CUBN: variants seen among roughly 807,000 people sequenced by gnomAD.
The protein encoded by CUBN is 460 kDa receptor.
Under a neutral mutation model 405.3 loss-of-function variants are expected in CUBN, and 282 were observed. The observed-to-expected ratio is 0.70, with a 90% CI of 0.63 to 0.77. The LOEUF (loss-of-function observed/expected upper bound fraction) is 0.77, where lower values mean the gene tolerates loss of function less well. Among genes scored for constraint, CUBN ranks in the 30% least tolerant of loss-of-function variants. CUBN has a pLI of 0.00. For synonymous variants in CUBN, 1,684 were observed against 1,617.0 expected (o/e 1.04, Z -0.99); for missense variants, 4,514 against 4,475.2 (o/e 1.01, Z -0.25).
chr10:17,127,916 T>C lies in CUBN; in HGVS notation c.261A>G (p.Lys87=), dbSNP rs748842845. 6.3e-7 allele frequency: 1 copy of C among 1,598,222 alleles called. No individual in the cohort carries two copies. Among genetic ancestry groups the C allele is most frequent in the Admixed American group, 1.7e-5 (1 of 59,834 alleles). Residue 87 remains lysine, a synonymous_variant, in exon 3 of 67, where the codon AAA becomes AAG. Coordinates refer to ENST00000377833, the MANE Select transcript of CUBN (RefSeq NM_001081.4). Reference sequence around the variant, plus strand: ...TTAACTCTATAATATCTTCTTTGTTTTTCTGGATCTAATTTTAGAAAAAGA... The same window carrying C: ...TTAACTCTATAATATCTTCTTTGTTCTTCTGGATCTAATTTTAGAAAAAGA... The part of the protein sequence containing the change: ...DLSECLHQIQ[K]NKEDIIELKG...
At position 16,984,250 on chromosome 10, in the gene CUBN, G is replaced by T; in HGVS notation, c.4380C>A (p.Pro1460=). 6.2e-7 allele frequency: 1 copy of T among 1,614,100 alleles called. No homozygotes were observed. The highest frequency in any genetic ancestry group is 8.5e-7 in the Non-Finnish European group (1 of 1,180,018). ...EIYGGPDFHS[P]RIAQLCTQRS... is the part of the protein sequence containing the mutation. ...TCTGGGTACACAGTTGGGCTATTCT[G>T]GGAGAGTGGAAATCGGGGCCTCCAT... Residue 1460 remains proline, a synonymous_variant, in exon 30 of 67, where the codon CCC becomes CCA. Transcript: ENST00000377833.
At chr10:16,848,583 T>C (rs1839587082) in intron 60 of CUBN, among the ~76,000 whole-genome samples, 1 of 151,662 alleles carries the variant, frequency 6.6e-6, no homozygotes, top group Non-Finnish European at 1.5e-5. Flanking sequence ...AGAGTCCCCA[T>C]ACTCTCCGTC....
At chr10:16,955,374 CAAA>C (rs59365817) in intron 31 of CUBN, among the ~76,000 whole-genome samples, 230 of 68,814 alleles carry the variant, frequency 3.3e-3, no homozygotes, top group African/African-American at 8.3e-3. Flanking sequence ...GATTCTGTCT[CAAA>C]AAAAAAAAAA....
At chr10:16,890,290 C>T in intron 55 of CUBN, 81 bp downstream of exon 55, 1 of 1,436,526 alleles carries the variant, frequency 7.0e-7, no homozygotes, top group Non-Finnish European at 9.8e-7. Flanking sequence ...CCCCTAGACC[C>T]CCAGGTTTAG....
Position 17,068,255 on chromosome 10 carries a change from T to C in CUBN, c.2817A>G (p.Ser939=). ...DLACGEILTE[S]TGTIQSPGHP... ...GGCCAGGACTTTGAATGGTCCCTGT[T>C]GATTCTGTAAGAATTTCTCCACATG... The change falls in exon 21 of 67, where the codon TCA becomes TCG. Residue 939 remains serine (S), a synonymous_variant. Coordinates refer to ENST00000377833, the MANE Select transcript of CUBN (RefSeq NM_001081.4). The C allele has an allele frequency of 6.2e-7, 1 of 1,613,712 alleles. No individual in the cohort carries two copies. Among genetic ancestry groups the C allele is most frequent in the Non-Finnish European group, 8.5e-7 (1 of 1,179,652 alleles).
chr10:17,041,516 A>G (rs767333971), intron 26 of CUBN, among the ~76,000 whole-genome samples: 6 of 152,270 alleles, frequency 3.9e-5, no homozygotes, highest in Middle Eastern at 6.8e-3. Flanking sequence ...ATAGGCATCA[A>G]ATTCCCTTGA....
chr10:17,008,369 C>G (rs1189116046), intron 28 of CUBN, among the ~76,000 whole-genome samples: 1 of 141,018 alleles, frequency 7.1e-6, no homozygotes, highest in Non-Finnish European at 1.5e-5. Flanking sequence ...GTGTGTGTGT[C>G]TTGAGCATTG....
chr10:17,123,424 C>A (rs192248974), intron 5 of CUBN, 164 bp downstream of exon 5: 4 of 690,048 alleles, frequency 5.8e-6, no homozygotes, highest in African/African-American at 1.8e-5. Flanking sequence ...TACAATCATA[C>A]TCACCACTGT....
intron 59 of CUBN, among the ~76,000 whole-genome samples, chr10:16,866,142 C>T (rs898208948): frequency 1.3e-5 from 2 of 152,006 alleles, no homozygotes; most frequent in Non-Finnish European, 2.9e-5. Flanking sequence ...ATTTTCTACA[C>T]TGAAGTTTTG....
At chr10:16,955,965 T>C (rs1843051346) in intron 31 of CUBN, among the ~76,000 whole-genome samples, 1 of 152,196 alleles carries the variant, frequency 6.6e-6, no homozygotes, top group African/African-American at 2.4e-5. Flanking sequence ...AGGTAAAATA[T>C]GGCCATTTCA....
chr10:16,946,035 T>G (rs1842769487), intron 36 of CUBN, among the ~76,000 whole-genome samples: 1 of 152,154 alleles, frequency 6.6e-6, no homozygotes, highest in African/African-American at 2.4e-5. Context: ...GACTTTTAAA[T>G]AAACAGGACA....
intron 27 of CUBN, 58 bp downstream of exon 27, chr10:17,040,975 T>C: frequency 3.3e-6 from 5 of 1,520,218 alleles, no homozygotes; most frequent in Non-Finnish European, 4.6e-6. Context: ...GGATTCTAAC[T>C]TGACACATCT....
chr10:16,939,054 G>T lies in CUBN; in HGVS notation c.5642C>A (p.Thr1881Lys), dbSNP rs775366060. ...AACGTGAGATGCATTCACATTTACT[G>T]TCCATTGGTAATTGGAGTTATGTGG... The part of the protein sequence containing the change: ...NYPHNSNYQW[T>K]VNVNASHVVH... Residue 1881 changes from threonine to lysine, a missense_variant, in exon 38 of 67, where the codon ACA becomes AAA. Transcript: ENST00000377833. The T allele has an allele frequency of 6.2e-7, 1 of 1,612,664 alleles. No individual in the cohort carries two copies. The highest frequency in any genetic ancestry group is 8.5e-7 in the Non-Finnish European group (1 of 1,178,656).
At chr10:16,902,020 A>G (rs1210627013) in intron 51 of CUBN, among the ~76,000 whole-genome samples, 1 of 69,294 alleles carries the variant, frequency 1.4e-5, no homozygotes, top group Non-Finnish European at 2.8e-5. Context: ...CACACACCAT[A>G]TATAGTGTGT....
intron 47 of CUBN, 101 bp downstream of exon 47, chr10:16,914,931 A>ATGTTT: frequency 9.8e-7 from 1 of 1,021,014 alleles, no homozygotes; most frequent in Non-Finnish European, 1.5e-6. Context: ...AATAGGGGTC[A>ATGTTT]TGTTTTGTTT....
At chr10:16,856,695 G>T (rs1839878912) in intron 59 of CUBN, among the ~76,000 whole-genome samples, 1 of 152,264 alleles carries the variant, frequency 6.6e-6, no homozygotes. Flanking sequence ...AGGTTGTCTG[G>T]ATAGTATCTC....
intron 51 of CUBN, 90 bp from the exon 52 acceptor site, chr10:16,901,549 T>C: frequency 4.6e-6 from 7 of 1,535,766 alleles, no homozygotes; most frequent in Non-Finnish European, 6.2e-6. Flanking sequence ...AACCATCAGA[T>C]TTTGTGATTA....
intron 28 of CUBN, among the ~76,000 whole-genome samples, chr10:16,999,048 A>G (rs1385473731): frequency 6.6e-6 from 1 of 152,264 alleles, no homozygotes; most frequent in Non-Finnish European, 1.5e-5. Context: ...AGATACAATA[A>G]AAAACAGTGA....
chr10:17,075,250 A>G (rs1835833731), intron 17 of CUBN, among the ~76,000 whole-genome samples: 1 of 151,460 alleles, frequency 6.6e-6, no homozygotes, highest in Non-Finnish European at 1.5e-5. Flanking sequence ...CGCCCAGCTA[A>G]TTTTTGTATT....
Sources: allele counts gnomAD v4.1 joint callset (sites outside exome capture counted in the v4.1 genomes callset), GRCh38; gene constraint gnomAD v4.1.1; transcripts MANE v1.5; gene names NCBI Gene and HGNC (gene_info 2026-07-23, HGNC 2026-07-21).